COL5A2: variants seen among roughly 807,000 people sequenced by gnomAD.
The protein encoded by COL5A2 is collagen type V alpha 2 chain.
In COL5A2, 23 loss-of-function variants were observed where a neutral mutation model predicts 208.2. The observed-to-expected ratio is 0.11, with a 90% confidence interval of 0.08 to 0.16. The LOEUF (loss-of-function observed/expected upper bound fraction) is 0.16. Among genes scored for constraint, COL5A2 ranks in the 10% least tolerant of loss-of-function variants. The pLI, the probability that COL5A2 is intolerant of heterozygous loss-of-function variation, is 1.00. For missense variants in COL5A2, 1,590 were observed against 1,956.4 expected, an observed-to-expected ratio of 0.81 and a Z score of 3.53; for synonymous variants, 625 against 628.5, an observed-to-expected ratio of 0.99 and a Z score of 0.08.
chr2:189,374,722 C>A, the COL5A2 span, among the ~76,000 whole-genome samples: 1 of 152,150 alleles, frequency 6.6e-6, no homozygotes, highest in African/African-American at 2.4e-5. Context: ...CTTACTGTAA[C>A]ATGTATTCTC....
the COL5A2 span, among the ~76,000 whole-genome samples, chr2:189,247,759 T>C: frequency 1.3e-5 from 2 of 152,066 alleles, no homozygotes; most frequent in African/African-American, 4.8e-5. Flanking sequence ...TTTGTATTTT[T>C]AGTAGAGACA....
chr2:189,438,963 A>C, the COL5A2 span, among the ~76,000 whole-genome samples: 2 of 152,072 alleles, frequency 1.3e-5, no homozygotes, highest in African/African-American at 2.4e-5. Flanking sequence ...CTTGATGATT[A>C]TTCTCCAGCC....
the COL5A2 span, among the ~76,000 whole-genome samples, chr2:189,297,917 T>G: frequency 6.6e-6 from 1 of 152,218 alleles, no homozygotes; most frequent in Non-Finnish European, 1.5e-5. Context: ...TGTCAAATAT[T>G]TTTCTCATTC....
intron 17 of COL5A2, among the ~76,000 whole-genome samples, chr2:189,074,374 A>G (rs1369723617): frequency 1.3e-5 from 2 of 152,142 alleles, no homozygotes; most frequent in African/African-American, 4.8e-5. Flanking sequence ...AGGATTACCT[A>G]TGAAATAGTG....
chr2:189,060,651 C>A, intron 31 of COL5A2, 79 bp downstream of exon 31: 1 of 1,214,600 alleles, frequency 8.2e-7, no homozygotes, highest in Admixed American at 1.7e-5. Flanking sequence ...AAGGAAAGCA[C>A]AACAGAGCCT....
At chr2:189,053,139 T>C in intron 38 of COL5A2, 121 bp from the exon 39 acceptor site, 1 of 889,572 alleles carries the variant, frequency 1.1e-6, no homozygotes, top group East Asian at 2.6e-5. Flanking sequence ...ATAATCAGTA[T>C]TAAAGCATAC....
chr2:189,373,992 A>T, the COL5A2 span, among the ~76,000 whole-genome samples: 595 of 152,296 alleles, frequency 3.9e-3, 5 homozygotes, highest in African/African-American at 0.013. Flanking sequence ...CTGTGAAAAC[A>T]CACAACATGA....
At chr2:189,049,890 C>T (rs1180372369) in intron 43 of COL5A2, among the ~76,000 whole-genome samples, 1 of 152,170 alleles carries the variant, frequency 6.6e-6, no homozygotes, top group Non-Finnish European at 1.5e-5. Flanking sequence ...CATCCCTTAG[C>T]TCCTACTTTG....
the COL5A2 span, among the ~76,000 whole-genome samples, chr2:189,404,316 C>G: frequency 1.3e-5 from 2 of 152,170 alleles, no homozygotes; most frequent in East Asian, 1.9e-4. Context: ...CTGAATAGAA[C>G]AGAAAGGCAA....
At chr2:189,197,908 G>A (rs566573425) in intron 1 of COL5A2, among the ~76,000 whole-genome samples, 2 of 150,434 alleles carry the variant, frequency 1.3e-5, no homozygotes, top group East Asian at 2.0e-4. Flanking sequence ...GGAGTGCAGC[G>A]GCACGATCTA....
chr2:189,157,130 A>ATATATAGATATATCGATATATC (rs1467640337), intron 1 of COL5A2, among the ~76,000 whole-genome samples: 276 of 8,154 alleles, frequency 0.034, 13 homozygotes, highest in Middle Eastern at 0.17. Context: ...ATATCTATCT[A>ATATATAGATATATCGATATATC]TATATATATC....
intron 4 of COL5A2, among the ~76,000 whole-genome samples, chr2:189,099,484 G>C (rs1421185414): frequency 6.6e-6 from 1 of 152,108 alleles, no homozygotes; most frequent in Non-Finnish European, 1.5e-5. Flanking sequence ...ATTTAGCCAG[G>C]CATGGTGGCT....
chr2:189,108,755 C>A (rs991839649), intron 2 of COL5A2, among the ~76,000 whole-genome samples: 41 of 151,754 alleles, frequency 2.7e-4, no homozygotes, highest in African/African-American at 8.7e-4. Flanking sequence ...TTGCCTTCTA[C>A]ATCTATTATT....
the COL5A2 span, among the ~76,000 whole-genome samples, chr2:189,425,767 A>G: frequency 3.9e-5 from 6 of 152,236 alleles, no homozygotes; most frequent in Admixed American, 1.3e-4. Flanking sequence ...CTCGTAACAG[A>G]GTTCTCATGA....
the COL5A2 span, among the ~76,000 whole-genome samples, chr2:189,328,578 C>T: frequency 6.6e-6 from 1 of 152,226 alleles, no homozygotes; most frequent in African/African-American, 2.4e-5. Context: ...CCCAGTCCCA[C>T]AAACTTGTTA....
chr2:189,384,007 T>C, the COL5A2 span, among the ~76,000 whole-genome samples: 1 of 152,162 alleles, frequency 6.6e-6, no homozygotes, highest in Non-Finnish European at 1.5e-5. Context: ...GAACATGCAA[T>C]ATTTTTCTTG....
the COL5A2 span, among the ~76,000 whole-genome samples, chr2:189,290,270 A>T: frequency 1.3e-5 from 2 of 152,254 alleles, no homozygotes; most frequent in Admixed American, 1.3e-4. Flanking sequence ...TGTTTGAACA[A>T]CGACAAAATC....
the COL5A2 span, among the ~76,000 whole-genome samples, chr2:189,253,713 A>C: frequency 6.7e-4 from 102 of 152,346 alleles, no homozygotes; most frequent in African/African-American, 2.4e-3. Flanking sequence ...GATTTCAATT[A>C]AATTTGGTCG....
At chr2:189,168,875 CAAAG>C (rs1353638362) in intron 1 of COL5A2, among the ~76,000 whole-genome samples, 1 of 152,242 alleles carries the variant, frequency 6.6e-6, no homozygotes, top group Non-Finnish European at 1.5e-5. Flanking sequence ...TGAAAACCTA[CAAAG>C]AAAGAACAGT....
Sources: gnomAD v4.1 joint callset for allele counts (sites outside exome capture counted in the v4.1 genomes callset) on GRCh38, gnomAD v4.1.1 for gene constraint, MANE v1.5 for transcripts, NCBI Gene and HGNC (gene_info 2026-07-23, HGNC 2026-07-21) for gene names.